Variants in ARFIP1 observed in about 807,000 individuals in gnomAD.
The protein encoded by ARFIP1 is ARF interacting protein 1, also known as arfaptin-1.
In ARFIP1, 24 loss-of-function variants were observed where a neutral mutation model predicts 42.5. The ratio of observed to expected loss-of-function variants is 0.57; its 90% confidence interval spans 0.41 to 0.80. ARFIP1 has a LOEUF of 0.80. Among genes scored for constraint, ARFIP1 ranks in the 30% least tolerant of loss-of-function variants. The pLI is 0.00. For missense variants in ARFIP1, 354 were observed against 434.0 expected (o/e 0.82, Z 1.64); for synonymous variants, 141 against 153.7 (o/e 0.92, Z 0.61).
intron 2 of ARFIP1, among the ~76,000 whole-genome samples, chr4:152,846,693 TGAAGA>T (rs1198711630): frequency 2.0e-5 from 3 of 152,166 alleles, no homozygotes; most frequent in African/African-American, 7.2e-5. Flanking sequence ...TATAGACTAG[TGAAGA>T]GATCTCATAT....
chr4:152,843,885 G>T (rs1732319417), intron 2 of ARFIP1, among the ~76,000 whole-genome samples: 1 of 152,188 alleles, frequency 6.6e-6, no homozygotes, highest in African/African-American at 2.4e-5. Flanking sequence ...TGCATGGCCT[G>T]TGGAGTCTGC....
Position 152,910,887 on chromosome 4 carries a change from C to T in ARFIP1, c.*668C>T, listed in dbSNP as rs1312124103. The T allele has an allele frequency of 3.3e-5, 5 of 152,392 alleles. No homozygotes were observed. In the East Asian group the frequency reaches 9.6e-4, roughly 29 times the overall value. 9.4% of individuals were successfully genotyped at this position (152,392 alleles called of 1,614,324 possible). A position where few individuals can be genotyped will look rare whatever the true frequency, so the allele number is the denominator to read the frequency against. On this transcript the variant is annotated 3_prime_UTR_variant, in exon 9 of 9. Coordinates refer to ENST00000353617, the MANE Select transcript of ARFIP1 (RefSeq NM_001025595.3). ...TTTAAGCTTATGAATTTGCTTCACC[C>T]GAAGTCATTGGACAGTTACATTTGC...
At chr4:152,844,325 C>T (rs768555640) in intron 2 of ARFIP1, among the ~76,000 whole-genome samples, 6 of 152,080 alleles carry the variant, frequency 3.9e-5, no homozygotes, top group Non-Finnish European at 8.8e-5. Context: ...TGGGTCCTCT[C>T]GGGATTGCTG....
chr4:152,874,232 A>G (rs1461811723), intron 5 of ARFIP1, among the ~76,000 whole-genome samples: 1 of 152,238 alleles, frequency 6.6e-6, no homozygotes, highest in Non-Finnish European at 1.5e-5. Context: ...TCATATTGAT[A>G]TGCCACATTT....
intron 6 of ARFIP1, 69 bp downstream of exon 6, chr4:152,881,253 T>C (rs949290195): frequency 1.9e-5 from 23 of 1,226,324 alleles, no homozygotes; most frequent in Non-Finnish European, 2.5e-5. Flanking sequence ...AGAGGTAATT[T>C]GTTATTGTGA....
At chr4:152,798,321 G>A (rs755130256) in intron 1 of ARFIP1, among the ~76,000 whole-genome samples, 2 of 152,172 alleles carry the variant, frequency 1.3e-5, no homozygotes, top group Non-Finnish European at 2.9e-5. Context: ...TGATCTTAGT[G>A]GAAATGCCTC....
chr4:152,893,387 G>A (rs75824171), intron 8 of ARFIP1, among the ~76,000 whole-genome samples: 7,055 of 151,912 alleles, frequency 0.046, 552 homozygotes, highest in African/African-American at 0.16. Flanking sequence ...AGAAAAATAT[G>A]CAGATCAATG....
intron 3 of ARFIP1, among the ~76,000 whole-genome samples, chr4:152,864,913 CTT>C (rs34123163): frequency 0.11 from 11,950 of 112,194 alleles, 554 homozygotes; most frequent in African/African-American, 0.18. Flanking sequence ...CTTTTTTAAA[CTT>C]TTTTTTTTTT....
chr4:152,837,054 G>A (rs773691225), intron 2 of ARFIP1, among the ~76,000 whole-genome samples: 5 of 151,838 alleles, frequency 3.3e-5, no homozygotes, highest in Non-Finnish European at 5.9e-5. Flanking sequence ...CCTGAGTTAC[G>A]TCATTTAGAA....
intron 1 of ARFIP1, among the ~76,000 whole-genome samples, chr4:152,804,380 A>C (rs1422005605): frequency 1.0e-5 from 1 of 99,570 alleles, no homozygotes; most frequent in African/African-American, 4.0e-5. Flanking sequence ...ATATAATATA[A>C]CATGTATTAT....
At chr4:152,798,742 T>G (rs1731625965) in intron 1 of ARFIP1, among the ~76,000 whole-genome samples, 1 of 152,232 alleles carries the variant, frequency 6.6e-6, no homozygotes, top group South Asian at 2.1e-4. Context: ...TTTATCTCTG[T>G]GATTAGATTC....
At chr4:152,860,906 A>G (rs1036492229) in intron 2 of ARFIP1, among the ~76,000 whole-genome samples, 2 of 152,218 alleles carry the variant, frequency 1.3e-5, no homozygotes, top group African/African-American at 4.8e-5. Context: ...TAGACAGTAG[A>G]AGGTAAGTAT....
intron 1 of ARFIP1, among the ~76,000 whole-genome samples, chr4:152,792,794 G>T (rs961543099): frequency 6.6e-6 from 1 of 152,052 alleles, no homozygotes; most frequent in Non-Finnish European, 1.5e-5. Context: ...TATAGATTTG[G>T]TCTATTCAGT....
intron 1 of ARFIP1, among the ~76,000 whole-genome samples, chr4:152,828,016 C>G (rs1730975022): frequency 6.6e-6 from 1 of 152,154 alleles, no homozygotes; most frequent in South Asian, 2.1e-4. Flanking sequence ...TCCTCCATGT[C>G]TTTTTGTGAC....
At chr4:152,833,351 C>T (rs563266857) in intron 2 of ARFIP1, among the ~76,000 whole-genome samples, 2 of 151,952 alleles carry the variant, frequency 1.3e-5, no homozygotes, top group East Asian at 3.9e-4. Flanking sequence ...TCAGTTCATA[C>T]CTATTAGGAT....
chr4:152,862,460 AAAG>A (rs1733971365), intron 2 of ARFIP1, among the ~76,000 whole-genome samples: 1 of 152,158 alleles, frequency 6.6e-6, no homozygotes, highest in South Asian at 2.1e-4. Flanking sequence ...AAAAAAAAAA[AAAG>A]GATAACTATC....
In ARFIP1 at chr4:152,863,210, A is replaced by G. The variant is rs576781628; in HGVS notation, c.94-396A>G. Among the ~76,000 whole-genome samples, 19 of 152,352 alleles carry G rather than the reference A, an allele frequency of 1.2e-4. No homozygotes were observed. The South Asian group carries it at 3.9e-3, about 32-fold the overall frequency. On this transcript the variant is annotated intron_variant, in intron 2 of 8. Coordinates refer to ENST00000353617, the MANE Select transcript of ARFIP1 (RefSeq NM_001025595.3). ...AGTGAATGATTTGTTTATACTGTGC[A>G]TTAGCCAGGCTCATTGTGATTATAT... is the stretch of plus-strand genomic sequence containing the variant.
intron 1 of ARFIP1, among the ~76,000 whole-genome samples, chr4:152,798,694 G>A (rs1184894823): frequency 6.6e-6 from 1 of 151,986 alleles, no homozygotes; most frequent in Non-Finnish European, 1.5e-5. Context: ...TTGCATTATT[G>A]TAGCTAAAAT....
intron 5 of ARFIP1, among the ~76,000 whole-genome samples, chr4:152,875,723 T>C (rs1311284249): frequency 6.6e-6 from 1 of 152,028 alleles, no homozygotes; most frequent in African/African-American, 2.4e-5. Context: ...TCTTTTTTTT[T>C]TTTTTGGCAC....
Sources: allele counts gnomAD v4.1 joint callset (sites outside exome capture counted in the v4.1 genomes callset), GRCh38; gene constraint gnomAD v4.1.1; transcripts MANE v1.5; gene names NCBI Gene and HGNC (gene_info 2026-07-23, HGNC 2026-07-21).